Variants in CSMD1 observed in about 807,000 individuals in gnomAD.
The protein encoded by CSMD1 is CUB and sushi domain-containing protein 1.
Under a neutral mutation model 417.5 loss-of-function variants are expected in CSMD1, and 213 were observed. That is an observed-to-expected ratio of 0.51 (90% CI 0.46 to 0.57). The LOEUF (loss-of-function observed/expected upper bound fraction) is 0.57. CSMD1 is among the 20% of genes least tolerant of loss of function. The probability of loss-of-function intolerance (pLI) is 0.00; values close to 1 mark genes in which losing one functional copy is unlikely to be tolerated. For missense variants in CSMD1, 6,923 were observed against 4,529.7 expected, an observed-to-expected ratio of 1.53 and a Z score of -15.17; for synonymous variants, 2,862 against 1,736.8, an observed-to-expected ratio of 1.65 and a Z score of -16.11.
chr8:4,503,601 G>T (rs1451885801), intron 2 of CSMD1, among the ~76,000 whole-genome samples: 1 of 152,044 alleles, frequency 6.6e-6, no homozygotes, highest in Non-Finnish European at 1.5e-5. Flanking sequence ...TAACTGCATT[G>T]ACCCAGCCAG....
intron 1 of CSMD1, among the ~76,000 whole-genome samples, chr8:4,912,470 T>A (rs1256357248): frequency 1.3e-5 from 2 of 152,040 alleles, no homozygotes; most frequent in Non-Finnish European, 2.9e-5. Flanking sequence ...AGGAGAGCAT[T>A]TCTAGAAAAC....
At chr8:4,647,443 T>C (rs2617039) in intron 1 of CSMD1, among the ~76,000 whole-genome samples, 61,853 of 112,768 alleles carry the variant, frequency 0.55, 13,451 homozygotes, top group Middle Eastern at 0.68. Context: ...TACGTAGGTA[T>C]GCGTGTGCCA....
At chr8:3,816,340 C>A (rs10097237) in intron 5 of CSMD1, among the ~76,000 whole-genome samples, 2 of 152,026 alleles carry the variant, frequency 1.3e-5, no homozygotes, top group African/African-American at 4.8e-5. Context: ...CAGTCAACCA[C>A]TGTCAGAAAA....
intron 26 of CSMD1, among the ~76,000 whole-genome samples, chr8:3,264,236 G>A (rs985059988): frequency 2.6e-5 from 4 of 152,150 alleles, no homozygotes; most frequent in Non-Finnish European, 4.4e-5. Context: ...CATTCTCTGC[G>A]AATTCACCAG....
chr8:4,927,843 C>T (rs1490837515), intron 1 of CSMD1, among the ~76,000 whole-genome samples: 2 of 152,174 alleles, frequency 1.3e-5, no homozygotes, highest in Non-Finnish European at 1.5e-5. Context: ...CAAACTCTGC[C>T]TTCAAGATAT....
At chr8:3,662,260 G>A (rs935873383) in intron 7 of CSMD1, among the ~76,000 whole-genome samples, 2 of 152,218 alleles carry the variant, frequency 1.3e-5, no homozygotes, top group Non-Finnish European at 2.9e-5. Context: ...CCAGATGGGA[G>A]CATTTTTATT....
In CSMD1 at chr8:3,630,201, G is replaced by A. The variant is rs1796709568; in HGVS notation, c.1010-13404C>T. On this transcript the variant is annotated intron_variant, in intron 7 of 69. Transcript: ENST00000635120. Reference sequence around the variant, plus strand: ...AGGCAGGCTCTCCGTCAGCTCCTGGGAGGGAGAAATTAATAGCTAGATGGG... The same window carrying A: ...AGGCAGGCTCTCCGTCAGCTCCTGGAAGGGAGAAATTAATAGCTAGATGGG... Among the ~76,000 whole-genome samples, 5 of 152,230 alleles carry A rather than the reference G, an allele frequency of 3.3e-5. 1 individual carries two copies. The South Asian group carries it at 1.0e-3, about 31-fold the overall frequency.
At chr8:3,805,649 G>C (rs1012944317) in intron 5 of CSMD1, among the ~76,000 whole-genome samples, 1 of 152,172 alleles carries the variant, frequency 6.6e-6, no homozygotes, top group Non-Finnish European at 1.5e-5. Flanking sequence ...GGAGTAAAAT[G>C]AAGGCAAGTT....
At chr8:3,501,461 A>C (rs1351788958) in intron 10 of CSMD1, among the ~76,000 whole-genome samples, 3 of 152,240 alleles carry the variant, frequency 2.0e-5, no homozygotes, top group Non-Finnish European at 4.4e-5. Flanking sequence ...ATAATTTTCC[A>C]AGATTTAGAA....
At chr8:3,954,395 C>G (rs1362266860) in intron 5 of CSMD1, among the ~76,000 whole-genome samples, 1 of 152,132 alleles carries the variant, frequency 6.6e-6, no homozygotes, top group Non-Finnish European at 1.5e-5. Flanking sequence ...CGGAGTCTCG[C>G]TCTGCTGCCC....
intron 5 of CSMD1, among the ~76,000 whole-genome samples, chr8:3,981,153 G>C (rs1054129117): frequency 6.6e-6 from 1 of 152,272 alleles, no homozygotes; most frequent in South Asian, 2.1e-4. Context: ...TGATAGTTAC[G>C]CTGCATGTAC....
At chr8:4,717,138 G>C (rs1217193641) in intron 1 of CSMD1, among the ~76,000 whole-genome samples, 2 of 150,760 alleles carry the variant, frequency 1.3e-5, no homozygotes, top group Non-Finnish European at 3.0e-5. Context: ...TAATCATTAG[G>C]AAAAAAAACT....
chr8:3,722,700 C>T (rs1401154094), intron 6 of CSMD1, among the ~76,000 whole-genome samples: 1 of 152,164 alleles, frequency 6.6e-6, no homozygotes, highest in Non-Finnish European at 1.5e-5. Flanking sequence ...ATCAATTTTT[C>T]TGGATTCTAG....
At chr8:4,014,351 G>T (rs1020561714) in intron 4 of CSMD1, among the ~76,000 whole-genome samples, 1 of 152,178 alleles carries the variant, frequency 6.6e-6, no homozygotes, top group Non-Finnish European at 1.5e-5. Context: ...AAAATAATCT[G>T]TAAAATATTG....
intron 26 of CSMD1, among the ~76,000 whole-genome samples, chr8:3,238,938 G>C (rs1348459790): frequency 1.3e-5 from 2 of 152,150 alleles, no homozygotes; most frequent in East Asian, 3.9e-4. Flanking sequence ...TGGTGAATAG[G>C]AGTATGACTA....
chr8:4,157,019 C>T (rs1448932274), intron 3 of CSMD1, among the ~76,000 whole-genome samples: 2 of 152,076 alleles, frequency 1.3e-5, no homozygotes, highest in African/African-American at 4.8e-5. Context: ...GGTGGCCAGG[C>T]ATTGAGGGGC....
At chr8:4,174,290 C>T (rs558040554) in intron 3 of CSMD1, among the ~76,000 whole-genome samples, 2 of 152,126 alleles carry the variant, frequency 1.3e-5, no homozygotes, top group East Asian at 3.9e-4. Flanking sequence ...AGTATTTCAT[C>T]ATTTTTAAAG....
chr8:4,246,934 T>C (rs1025441443), intron 3 of CSMD1, among the ~76,000 whole-genome samples: 2 of 152,198 alleles, frequency 1.3e-5, no homozygotes, highest in Non-Finnish European at 2.9e-5. Flanking sequence ...TAAGAGAGAA[T>C]GTAGATAATA....
intron 5 of CSMD1, among the ~76,000 whole-genome samples, chr8:3,812,865 C>T (rs184405899): frequency 2.0e-4 from 31 of 152,232 alleles, no homozygotes; most frequent in African/African-American, 6.3e-4. Flanking sequence ...AATTGGCCAA[C>T]GAGGACCAGT....
Sources: allele counts gnomAD v4.1 joint callset (sites outside exome capture counted in the v4.1 genomes callset), GRCh38; gene constraint gnomAD v4.1.1; transcripts MANE v1.5; gene names NCBI Gene and HGNC (gene_info 2026-07-23, HGNC 2026-07-21).